Variants in CCSER1 observed in about 807,000 individuals in gnomAD.
The protein encoded by CCSER1 is serine-rich coiled-coil domain-containing protein 1.
In CCSER1, 41 loss-of-function variants were observed where a neutral mutation model predicts 82.0. The ratio of observed to expected loss-of-function variants is 0.50; its 90% CI spans 0.39 to 0.65. CCSER1 has a LOEUF of 0.65. CCSER1 is among the 30% of genes least tolerant of loss of function. The probability of loss-of-function intolerance (pLI) is 0.00; values close to 1 mark genes in which losing one functional copy is unlikely to be tolerated. For synonymous variants in CCSER1, 414 were observed against 383.9 expected, an observed-to-expected ratio of 1.08 and a Z score of -0.92; for missense variants, 1,119 against 1,064.2, an observed-to-expected ratio of 1.05 and a Z score of -0.72.
chr4:91,323,078 T>G (rs1746301934), intron 10 of CCSER1, among the ~76,000 whole-genome samples: 1 of 151,996 alleles, frequency 6.6e-6, no homozygotes, highest in Non-Finnish European at 1.5e-5. Flanking sequence ...GCCAAACCAG[T>G]AAAAGAGGAA....
At position 90,753,236 on chromosome 4, in the gene CCSER1, T is replaced by G. The variant is rs572204137; in HGVS notation, c.2010+29245T>G. On this transcript the variant is annotated intron_variant, in intron 7 of 10. Transcript: ENST00000509176. ...AAGGATCCTTTGTAGATTCCCCTGT[T>G]GCCTCTCTAAGCTGATAAGCATCAG... 5.9e-5 allele frequency among the ~76,000 whole-genome samples: 9 copies of G among 152,240 alleles called. No homozygotes were observed. In the East Asian group the frequency reaches 1.5e-3, roughly 26 times the overall value.
chr4:91,053,508 AT>A (rs1743180174), intron 9 of CCSER1, among the ~76,000 whole-genome samples: 1 of 152,132 alleles, frequency 6.6e-6, no homozygotes, highest in Non-Finnish European at 1.5e-5. Context: ...GATTTGGTTC[AT>A]TTAGCTTTCT....
At chr4:91,159,969 A>G (rs377098781) in intron 10 of CCSER1, among the ~76,000 whole-genome samples, 5 of 152,008 alleles carry the variant, frequency 3.3e-5, no homozygotes, top group East Asian at 1.9e-4. Flanking sequence ...ACCTAGGTAT[A>G]CATGTGCCAT....
intron 4 of CCSER1, among the ~76,000 whole-genome samples, chr4:90,466,190 G>A (rs551767214): frequency 2.2e-4 from 33 of 152,320 alleles, no homozygotes; most frequent in African/African-American, 7.2e-4. Context: ...TAATCAAAAA[G>A]GAAATAATGT....
intron 7 of CCSER1, among the ~76,000 whole-genome samples, chr4:90,788,347 G>T (rs981427773): frequency 6.6e-6 from 1 of 152,114 alleles, no homozygotes; most frequent in East Asian, 1.9e-4. Flanking sequence ...GTCAAAAAAA[G>T]TACTACAAAC....
chr4:90,522,799 T>C lies in CCSER1; in HGVS notation c.1724+54445T>C, dbSNP rs570192609. Among the ~76,000 whole-genome samples, 59 of 152,260 alleles carry C rather than the reference T, an allele frequency of 3.9e-4. 1 individual carries two copies. Among genetic ancestry groups the C allele is most frequent in the Non-Finnish European group, 4.9e-4 (33 of 67,996 alleles). On this transcript the variant is annotated intron_variant, in intron 5 of 10. Coordinates refer to ENST00000509176, the MANE Select transcript of CCSER1 (RefSeq NM_001145065.2). ...ATAAATATTCCTTAATAAGAAAATATTTTTTGTTGAAATTATGACTTAAAT... is the reference window on the plus strand; with the variant it reads ...ATAAATATTCCTTAATAAGAAAATACTTTTTGTTGAAATTATGACTTAAAT...
chr4:91,026,092 G>T (rs1740465816), intron 9 of CCSER1, among the ~76,000 whole-genome samples: 1 of 152,106 alleles, frequency 6.6e-6, no homozygotes, highest in Non-Finnish European at 1.5e-5. Flanking sequence ...CTGCATCTTA[G>T]GGTGTTCACA....
intron 10 of CCSER1, among the ~76,000 whole-genome samples, chr4:91,370,654 C>T (rs952218389): frequency 6.6e-6 from 1 of 151,898 alleles, no homozygotes; most frequent in African/African-American, 2.4e-5. Flanking sequence ...CGAGATCATG[C>T]CATTGCACTC....
intron 3 of CCSER1, among the ~76,000 whole-genome samples, chr4:90,352,833 G>T (rs575245359): frequency 6.6e-6 from 1 of 152,046 alleles, no homozygotes; most frequent in African/African-American, 2.4e-5. Flanking sequence ...ACTTAGTAAA[G>T]TATACTATTT....
Position 91,574,860 on chromosome 4 carries a change from A to G in CCSER1, c.2218-23712A>G, listed in dbSNP as rs919397990. Among the ~76,000 whole-genome samples, 4 of 151,854 alleles carry G rather than the reference A, an allele frequency of 2.6e-5. No homozygotes were observed. In the South Asian group the frequency reaches 8.3e-4, roughly 32 times the overall value. On this transcript the variant is annotated intron_variant, in intron 10 of 10. Transcript: ENST00000509176. ...ATCACACAATATACCCATGTAACAAACCTGCACATGTACCCCGAGAATCTA... is the reference window on the plus strand; with the variant it reads ...ATCACACAATATACCCATGTAACAAGCCTGCACATGTACCCCGAGAATCTA...
intron 10 of CCSER1, among the ~76,000 whole-genome samples, chr4:91,352,118 G>A (rs1748509635): frequency 6.6e-6 from 1 of 152,164 alleles, no homozygotes; most frequent in Non-Finnish European, 1.5e-5. Context: ...AAGGCAATTT[G>A]TATGATTCAA....
At chr4:90,900,094 G>GTTTTTTTTTTTTTTTTTTTTTTT (rs70963096) in intron 8 of CCSER1, among the ~76,000 whole-genome samples, 1 of 102,156 alleles carries the variant, frequency 9.8e-6, no homozygotes, top group Non-Finnish European at 2.1e-5. Flanking sequence ...TGGTCCCAGA[G>GTTTTTTTTTTTTTTTTTTTTTTT]TTTTTTTTTT....
At chr4:90,978,741 G>A (rs567528331) in intron 9 of CCSER1, among the ~76,000 whole-genome samples, 9 of 151,792 alleles carry the variant, frequency 5.9e-5, no homozygotes, top group African/African-American at 1.9e-4. Flanking sequence ...CTTGGAAAAT[G>A]TGAAGTTTAT....
intron 1 of CCSER1, among the ~76,000 whole-genome samples, chr4:90,289,039 T>C (rs1255991679): frequency 6.6e-6 from 1 of 151,900 alleles, no homozygotes; most frequent in African/African-American, 2.4e-5. Context: ...CCTCTCCTCC[T>C]CTCTCCCTTT....
intron 7 of CCSER1, among the ~76,000 whole-genome samples, chr4:90,789,964 C>G (rs561740730): frequency 2.4e-3 from 361 of 152,172 alleles, no homozygotes; most frequent in African/African-American, 8.2e-3. Context: ...TTTATTTGCT[C>G]TCAACAGGAG....
chr4:91,157,956 G>C (rs1001305830), intron 10 of CCSER1, among the ~76,000 whole-genome samples: 3 of 151,948 alleles, frequency 2.0e-5, no homozygotes, highest in African/African-American at 4.8e-5. Context: ...ACATGGATTT[G>C]TACTAAATTA....
chr4:90,353,887 A>AT (rs1743945669), intron 3 of CCSER1, among the ~76,000 whole-genome samples: 1 of 152,168 alleles, frequency 6.6e-6, no homozygotes, highest in African/African-American at 2.4e-5. Flanking sequence ...TCCTCAAAAC[A>AT]TTAAAAATAG....
intron 5 of CCSER1, among the ~76,000 whole-genome samples, chr4:90,512,947 G>A (rs1336541002): frequency 1.3e-5 from 2 of 152,032 alleles, no homozygotes; most frequent in Non-Finnish European, 2.9e-5. Context: ...AAAATTCATT[G>A]ATTTCATATT....
chr4:90,456,918 A>G (rs1394717655), intron 4 of CCSER1, among the ~76,000 whole-genome samples: 1 of 152,088 alleles, frequency 6.6e-6, no homozygotes, highest in Non-Finnish European at 1.5e-5. Flanking sequence ...CCTTTGCCCA[A>G]GTTTTGCTCA....
Sources: gnomAD v4.1 joint callset for allele counts (sites outside exome capture counted in the v4.1 genomes callset) on GRCh38, gnomAD v4.1.1 for gene constraint, MANE v1.5 for transcripts, NCBI Gene and HGNC (gene_info 2026-07-23, HGNC 2026-07-21) for gene names.